Variants in DYRK4 observed in about 807,000 individuals in gnomAD.
DYRK4 encodes the protein dual specificity tyrosine-phosphorylation-regulated kinase 4.
Under a neutral mutation model 68.3 loss-of-function variants are expected in DYRK4, and 64 were observed. The ratio of observed to expected loss-of-function variants is 0.94; its 90% CI spans 0.77 to 1.15. DYRK4 has a LOEUF of 1.15. DYRK4 is among the 50% of genes most tolerant of loss of function. DYRK4 has a pLI of 0.00. For missense variants in DYRK4, 740 were observed against 764.7 expected, an observed-to-expected ratio of 0.97 and a Z score of 0.38; for synonymous variants, 274 against 289.9, an observed-to-expected ratio of 0.95 and a Z score of 0.56.
At chr12:4,578,191 C>T (rs1484951838) in intron 2 of DYRK4, among the ~76,000 whole-genome samples, 1 of 152,118 alleles carries the variant, frequency 6.6e-6, no homozygotes, top group East Asian at 1.9e-4. Flanking sequence ...ATACTTCTAG[C>T]CATTTTGTCA....
rs182164909 is a variant in DYRK4, at chr12:4,610,245, A to G, written c.1451A>G (p.Tyr484Cys). ...SKDLTMVLKT[Y>C]DTSFLDFLRR... is the part of the protein sequence containing the mutation. Reference sequence around the variant, plus strand: ...GACCTCACGATGGTGCTGAAAACCTATGACACCAGCTTCCTGGACTTTCTC... The same window carrying G: ...GACCTCACGATGGTGCTGAAAACCTGTGACACCAGCTTCCTGGACTTTCTC... The change falls in exon 13 of 15, where the codon TAT (tyrosine) becomes TGT (cysteine). Residue 484 changes from tyrosine (Y) to cysteine (C), a missense_variant. Around this residue, in one of 3 missense-constraint regions of DYRK4, gnomAD observed 614 missense variants for 603.7 expected, o/e 1.02. Transcript: ENST00000543431. 5.3e-5 allele frequency: 85 copies of G among 1,594,034 alleles called. No homozygotes were observed. Among genetic ancestry groups the G allele is most frequent in the Middle Eastern group, 3.3e-4 (2 of 6,008 alleles).
chr12:4,604,548 C>T (rs1332826806), intron 10 of DYRK4, among the ~76,000 whole-genome samples: 1 of 152,178 alleles, frequency 6.6e-6, no homozygotes, highest in Admixed American at 6.5e-5. Flanking sequence ...AACTCTCTTG[C>T]CAAGTCACAA....
intron 8 of DYRK4, among the ~76,000 whole-genome samples, chr12:4,598,813 G>A (rs1031377095): frequency 3.3e-5 from 5 of 152,186 alleles, no homozygotes; most frequent in Non-Finnish European, 7.3e-5. Context: ...CATCAGAAAT[G>A]AGGGGACATC....
chr12:4,605,173 T>G, intron 11 of DYRK4, 87 bp downstream of exon 11: 1 of 1,212,320 alleles, frequency 8.2e-7, no homozygotes, highest in Non-Finnish European at 1.2e-6. Flanking sequence ...CCCAGGACCA[T>G]GGCCTGCATA....
chr12:4,602,154 T>C (rs1470020268), intron 10 of DYRK4: 5 of 661,140 alleles, frequency 7.6e-6, no homozygotes, highest in Non-Finnish European at 1.4e-5. Context: ...TCAGCTTTCA[T>C]ATCTGTATGA....
chr12:4,613,599 T>A lies in DYRK4; in HGVS notation c.1751T>A (p.Leu584His), dbSNP rs762165041. 31 of 1,614,036 alleles carry A rather than the reference T, an allele frequency of 1.9e-5. No individual in the cohort carries two copies. Among genetic ancestry groups the A allele is most frequent in the Non-Finnish European group, 2.3e-5 (27 of 1,180,002 alleles). Residue 584 changes from leucine to histidine, a missense_variant, in exon 15 of 15, where the codon CTC (leucine) becomes CAC (histidine). Leu to His is a moderately conservative substitution (Grantham distance 99). Coordinates refer to ENST00000543431, the MANE Select transcript of DYRK4 (RefSeq NM_001394779.1). This position sits in a 1 kb window ranked among gnomAD's most constrained non-coding sequence, Gnocchi z 4.0. The part of the protein sequence containing the change: ...VQHSGDQQDC[L>H]QHGADTVQLP... ...CATTCAGGTGATCAGCAGGACTGTC[T>A]CCAGCACGGAGCTGACACTGTTCAG...
intron 2 of DYRK4, among the ~76,000 whole-genome samples, chr12:4,574,030 C>G (rs1035066272): frequency 6.6e-6 from 1 of 152,050 alleles, no homozygotes; most frequent in East Asian, 1.9e-4. Context: ...TGGAGACCAT[C>G]CTGGCTAACA....
At chr12:4,608,302 G>T (rs796924603) in intron 12 of DYRK4, among the ~76,000 whole-genome samples, 17 of 152,262 alleles carry the variant, frequency 1.1e-4, no homozygotes, top group African/African-American at 3.6e-4. Flanking sequence ...TTGTTGTCAG[G>T]TCGGTTCATG....
At chr12:4,595,794 C>A (rs971454048) in intron 6 of DYRK4, among the ~76,000 whole-genome samples, 1 of 152,192 alleles carries the variant, frequency 6.6e-6, no homozygotes, top group Non-Finnish European at 1.5e-5. Flanking sequence ...TTTTTCCAAC[C>A]CTCTTACTTT....
At position 4,586,467 on chromosome 12, in the gene DYRK4, C is replaced by T. The variant is rs143563888; in HGVS notation, c.133-2470C>T. ...AAATCCTGTCTTGCAGCTGTGAATA[C>T]GGGAGAGCACACCCGCTTCCTTTTG... On this transcript the variant is annotated intron_variant, in intron 2 of 14. Transcript: ENST00000543431. Among the ~76,000 whole-genome samples, 11 of 152,280 alleles carry T rather than the reference C, an allele frequency of 7.2e-5. No homozygotes were observed. The East Asian group carries it at 1.2e-3, about 16-fold the overall frequency.
In DYRK4 at chr12:4,613,728, C is replaced by G; in HGVS notation, c.1880C>G (p.Thr627Arg). The G allele has an allele frequency of 6.3e-7, 1 of 1,576,654 alleles. No individual in the cohort carries two copies. Among genetic ancestry groups the G allele is most frequent in the Non-Finnish European group, 8.7e-7 (1 of 1,153,818 alleles). ...AGCAAAAACTTCTCCCTCAAGAACACAAACGTTTTACCCCCTATTGTATGA... is the reference window on the plus strand; with the variant it reads ...AGCAAAAACTTCTCCCTCAAGAACAGAAACGTTTTACCCCCTATTGTATGA... The part of the protein sequence containing the change: ...GQSKNFSLKN[T>R]NVLPPIV Residue 627 changes from threonine to arginine, a missense_variant, in exon 15 of 15, where the codon ACA becomes AGA. Thr to Arg is a moderately conservative substitution (Grantham distance 71). Coordinates refer to ENST00000543431, the MANE Select transcript of DYRK4 (RefSeq NM_001394779.1). The surrounding 1 kb of genome is among the most constrained non-coding windows in gnomAD (Gnocchi z 4.0).
At chr12:4,585,583 A>C (rs952669533) in intron 2 of DYRK4, among the ~76,000 whole-genome samples, 1 of 151,994 alleles carries the variant, frequency 6.6e-6, no homozygotes, top group East Asian at 1.9e-4. Context: ...AACAATGAGA[A>C]CACATGGACA....
At chr12:4,589,499 T>C (rs865990527) in intron 3 of DYRK4, among the ~76,000 whole-genome samples, 1 of 152,226 alleles carries the variant, frequency 6.6e-6, no homozygotes. Context: ...CAGCCTCTGA[T>C]AACCATCCTT....
chr12:4,589,741 T>A (rs1944932572), intron 3 of DYRK4, among the ~76,000 whole-genome samples: 1 of 152,176 alleles, frequency 6.6e-6, no homozygotes, highest in African/African-American at 2.4e-5. Flanking sequence ...GATGGACACT[T>A]AGGTTGTTTC....
At position 4,599,734 on chromosome 12, in the gene DYRK4, C is replaced by G; in HGVS notation, c.1072C>G (p.Gln358Glu). The change falls in exon 10 of 15, where the codon CAA becomes GAA. Residue 358 changes from glutamine (Q) to glutamate (E), a missense_variant. Physicochemically the swap from Gln to Glu is conservative, Grantham distance 29. Around this residue, in one of 3 missense-constraint regions of DYRK4, gnomAD observed 614 missense variants for 603.7 expected, o/e 1.02. Coordinates refer to ENST00000543431, the MANE Select transcript of DYRK4 (RefSeq NM_001394779.1). ...AAATATAGTGCTATACCAAAAGGGC[C>G]AAGCCTCTGTTAAAGTCATTGACTT... is the stretch of plus-strand genomic sequence containing the variant. Reference protein sequence around the residue: ...PENIVLYQKGQASVKVIDFGS... With the variant: ...PENIVLYQKGEASVKVIDFGS... 5.6e-6 allele frequency: 9 copies of G among 1,614,054 alleles called. No homozygotes were observed. Among genetic ancestry groups the G allele is most frequent in the Non-Finnish European group, 7.6e-6 (9 of 1,179,968 alleles).
chr12:4,565,670 G>A (rs933110374), intron 1 of DYRK4, among the ~76,000 whole-genome samples: 1 of 151,608 alleles, frequency 6.6e-6, no homozygotes, highest in African/African-American at 2.4e-5. Context: ...CTGTTGCCCA[G>A]GCTGGAGTGC....
intron 1 of DYRK4, chr12:4,567,290 T>C (rs10450711): frequency 0.13 from 19,878 of 152,230 alleles, 3,018 homozygotes; most frequent in African/African-American, 0.37. Flanking sequence ...TCTTGATTCC[T>C]CTGGCTCTTG....
intron 10 of DYRK4, chr12:4,602,313 CTCT>C (rs990755283): frequency 1.1e-5 from 10 of 925,548 alleles, no homozygotes; most frequent in African/African-American, 6.6e-5. Flanking sequence ...TTTTTTCTTC[CTCT>C]TCTTCTATTT....
intron 10 of DYRK4, chr12:4,602,919 CT>C: frequency 1.1e-6 from 1 of 879,634 alleles, no homozygotes. Context: ...GTATTAGTGT[CT>C]TTTAGTGGAG....
Sources: allele counts gnomAD v4.1 joint callset (sites outside exome capture counted in the v4.1 genomes callset), GRCh38; gene constraint gnomAD v4.1.1; regional missense constraint gnomAD v4.1.1; non-coding constraint Gnocchi (gnomAD v3.1); transcripts MANE v1.5; gene names NCBI Gene and HGNC (gene_info 2026-07-23, HGNC 2026-07-21).